The following CCND1 variants were observed in gnomAD, a reference collection of about 807,000 sequenced individuals.
CCND1 encodes cyclin D1.
A neutral mutation model predicts 26.1 loss-of-function variants in CCND1; 9 were observed. The observed-to-expected ratio is 0.35, with a 90% CI of 0.21 to 0.60. The LOEUF (loss-of-function observed/expected upper bound fraction) is 0.60. Among genes scored for constraint, CCND1 ranks in the 20% least tolerant of loss-of-function variants. CCND1 has a pLI of 0.79. For synonymous variants in CCND1, 194 were observed against 166.1 expected (o/e 1.17, Z -1.29); for missense variants, 335 against 392.9 (o/e 0.85, Z 1.25).
rs1014593776 is a variant in CCND1, at chr11:69,654,002, C to T, written c.*2720C>T. 26 of 597,218 alleles carry T rather than the reference C, an allele frequency of 4.4e-5. No homozygotes were observed. The highest frequency in any genetic ancestry group is 2.7e-4 in the Admixed American group (9 of 33,620). 37.0% of individuals were successfully genotyped at this position (597,218 alleles called of 1,614,324 possible). A position where few individuals can be genotyped will look rare whatever the true frequency, so the allele number is the denominator to read the frequency against. ...AGCCAGCTCACAGTGCTGTGTGCCCCGGTCACCTAGCAAGCTGCCGAACCA... is the reference window on the plus strand; with the variant it reads ...AGCCAGCTCACAGTGCTGTGTGCCCTGGTCACCTAGCAAGCTGCCGAACCA... On this transcript the variant is annotated 3_prime_UTR_variant, in exon 5 of 5. Transcript: ENST00000227507. This position sits in a 1 kb window ranked among gnomAD's most constrained non-coding sequence, Gnocchi z 6.3.
Position 69,654,340 on chromosome 11 carries a change from G to C in CCND1, c.*3058G>C. 1 of 702,580 alleles carries C rather than the reference G, an allele frequency of 1.4e-6. No individual in the cohort carries two copies. Among genetic ancestry groups the C allele is most frequent in the Non-Finnish European group, 2.6e-6 (1 of 385,000 alleles). The allele number at this position is 702,580 out of a possible 1,614,324, so 43.5% of individuals were successfully genotyped here. On this transcript the variant is annotated 3_prime_UTR_variant, in exon 5 of 5. Coordinates refer to ENST00000227507, the MANE Select transcript of CCND1 (RefSeq NM_053056.3). This position sits in a 1 kb window ranked among gnomAD's most constrained non-coding sequence, Gnocchi z 6.3. ...TGTGACGCGCAAGTCTGAGGGTCTG[G>C]GCGGCGGGCGGCTGGGTCTGTGCAT... is the stretch of plus-strand genomic sequence containing the variant.
In CCND1 at chr11:69,641,239, A is replaced by T; in HGVS notation, c.-75A>T. 7.2e-7 allele frequency: 1 copy of T among 1,389,312 alleles called. No homozygotes were observed. The highest frequency in any genetic ancestry group is 1.2e-5 in the South Asian group (1 of 86,262). The allele number at this position is 1,389,312 out of a possible 1,614,324, so 86.1% of individuals were successfully genotyped here. A position where few individuals can be genotyped will look rare whatever the true frequency, so the allele number is the denominator to read the frequency against. On this transcript the variant is annotated 5_prime_UTR_variant, in exon 1 of 5. Coordinates refer to ENST00000227507, the MANE Select transcript of CCND1 (RefSeq NM_053056.3). ...AGAAGAGCGCGAGGGAGCGCGGGGC[A>T]GCAGAAGCGAGAGCCGAGCGCGGAC...
chr11:69,646,468 C>T (rs1005419430), intron 3 of CCND1, among the ~76,000 whole-genome samples: 12 of 152,110 alleles, frequency 7.9e-5, no homozygotes, highest in African/African-American at 2.4e-4. Flanking sequence ...ACACCCCTGG[C>T]GGCCCGTGGG....
In CCND1 at chr11:69,643,055, G is replaced by T; in HGVS notation, c.223G>T (p.Glu75Ter). 6.2e-7 allele frequency: 1 copy of T among 1,606,046 alleles called. No individual in the cohort carries two copies. Residue 75 changes from glutamate (E) to a stop codon, truncating the protein, a stop_gained, in exon 2 of 5, where the codon GAG becomes TAG. Transcript: ENST00000227507. LOFTEE classifies it high-confidence loss of function. Reference sequence around the variant, plus strand: ...GGTCTGCGAGGAACAGAAGTGCGAGGAGGAGGTCTTCCCGCTGGCCATGAA... The same window carrying T: ...GGTCTGCGAGGAACAGAAGTGCGAGTAGGAGGTCTTCCCGCTGGCCATGAA... Reference protein sequence around the residue: ...LEVCEEQKCEEEVFPLAMNYL... With the variant: ...LEVCEEQKCE
chr11:69,643,303 G>C, intron 2 of CCND1, 57 bp downstream of exon 2: 1 of 1,405,190 alleles, frequency 7.1e-7, no homozygotes, highest in Non-Finnish European at 9.7e-7. Flanking sequence ...AGGACCACGG[G>C]GCCGGGGAAG....
chr11:69,645,183 G>A (rs1855763301), intron 3 of CCND1, among the ~76,000 whole-genome samples: 1 of 152,238 alleles, frequency 6.6e-6, no homozygotes, highest in African/African-American at 2.4e-5. Flanking sequence ...TCTGGGGTGG[G>A]GGGGCATGCG....
In CCND1 at chr11:69,653,107, G is replaced by A. The variant is rs1256433711; in HGVS notation, c.*1825G>A. On this transcript the variant is annotated 3_prime_UTR_variant, in exon 5 of 5. Coordinates refer to ENST00000227507, the MANE Select transcript of CCND1 (RefSeq NM_053056.3). ...TTCTTGTAATTTTTATTTAGGAAGT[G>A]TTGAAGGGAGGTGGCAAGAGTGTGG... 1.1e-5 allele frequency: 6 copies of A among 545,124 alleles called. No individual in the cohort carries two copies. In the African/African-American group the frequency reaches 1.2e-4, roughly 11 times the overall value. The allele number at this position is 545,124 out of a possible 1,614,324, so 33.8% of individuals were successfully genotyped here.
intron 3 of CCND1, among the ~76,000 whole-genome samples, chr11:69,645,270 G>A (rs1265454952): frequency 6.6e-6 from 1 of 152,188 alleles, no homozygotes; most frequent in Non-Finnish European, 1.5e-5. Flanking sequence ...GCCTTTTATG[G>A]AGCTGAAAGT....
chr11:69,645,530 G>A (rs937857214), intron 3 of CCND1, among the ~76,000 whole-genome samples: 3 of 152,220 alleles, frequency 2.0e-5, no homozygotes, highest in Admixed American at 2.0e-4. Flanking sequence ...CTCAGTGACT[G>A]TGGAGTCCAC....
At chr11:69,643,542 C>T (rs901782733) in intron 2 of CCND1, among the ~76,000 whole-genome samples, 1 of 152,258 alleles carries the variant, frequency 6.6e-6, no homozygotes, top group Non-Finnish European at 1.5e-5. Flanking sequence ...CCGCGCTCGG[C>T]GCTGAGCCTC....
rs573466828 is a variant in CCND1, at chr11:69,653,487, G to C, written c.*2205G>C. ...ACTGCTCTATTCCAAAAAGGTTGCT[G>C]TTTCACAATACCTCATGCTTCACTT... On this transcript the variant is annotated 3_prime_UTR_variant, in exon 5 of 5. Transcript: ENST00000227507. 1 of 569,266 alleles carries C rather than the reference G, an allele frequency of 1.8e-6. No individual in the cohort carries two copies. Among genetic ancestry groups the C allele is most frequent in the Non-Finnish European group, 3.1e-6 (1 of 327,518 alleles). The allele number at this position is 569,266 out of a possible 1,614,324, so 35.3% of individuals were successfully genotyped here.
intron 3 of CCND1, among the ~76,000 whole-genome samples, chr11:69,644,802 G>T (rs898090362): frequency 7.9e-5 from 12 of 152,198 alleles, no homozygotes; most frequent in African/African-American, 2.9e-4. Context: ...CAGGAGGCCT[G>T]GTTACCTTCA....
chr11:69,641,903 A>T (rs1855708059), intron 1 of CCND1, among the ~76,000 whole-genome samples: 1 of 151,068 alleles, frequency 6.6e-6, no homozygotes, highest in Admixed American at 6.6e-5. Flanking sequence ...GGGGGCATAG[A>T]TTTGATTTTT....
chr11:69,643,411 T>C (rs536919025), intron 2 of CCND1, 165 bp downstream of exon 2: 5 of 543,280 alleles, frequency 9.2e-6, no homozygotes, highest in East Asian at 3.5e-5. Flanking sequence ...GCGGGCGGGA[T>C]CCTAGCCGCC....
intron 3 of CCND1, among the ~76,000 whole-genome samples, chr11:69,646,401 T>C (rs916025857): frequency 4.6e-5 from 7 of 152,236 alleles, no homozygotes; most frequent in South Asian, 4.1e-4. Context: ...GGCGGCCCTC[T>C]CTTTAACAAG....
At chr11:69,647,197 T>C (rs1288671097) in intron 3 of CCND1, among the ~76,000 whole-genome samples, 1 of 152,164 alleles carries the variant, frequency 6.6e-6, no homozygotes, top group African/African-American at 2.4e-5. Context: ...CCCAGAAAAG[T>C]GTTTTTGTCA....
At position 69,648,050 on chromosome 11, in the gene CCND1, G is replaced by T. The variant is rs756509430; in HGVS notation, c.631G>T (p.Ala211Ser). 2 of 1,613,896 alleles carry T rather than the reference G, an allele frequency of 1.2e-6. No homozygotes were observed. Among genetic ancestry groups the T allele is most frequent in the Non-Finnish European group, 8.5e-7 (1 of 1,179,976 alleles). ...SMVAAGSVVA[A>S]VQGLNLRSPN... Reference sequence around the variant, plus strand: ...GGTGGCAGCGGGGAGCGTGGTGGCCGCAGTGCAAGGCCTGAACCTGAGGAG... The same window carrying T: ...GGTGGCAGCGGGGAGCGTGGTGGCCTCAGTGCAAGGCCTGAACCTGAGGAG... Residue 211 changes from alanine (A) to serine (S), a missense_variant, in exon 4 of 5, where the codon GCA becomes TCA. Coordinates refer to ENST00000227507, the MANE Select transcript of CCND1 (RefSeq NM_053056.3).
Position 69,641,259 on chromosome 11 carries a change from G to A in CCND1, c.-55G>A, listed in dbSNP as rs1855694917. On this transcript the variant is annotated 5_prime_UTR_variant, in exon 1 of 5. Coordinates refer to ENST00000227507, the MANE Select transcript of CCND1 (RefSeq NM_053056.3). The stretch of plus-strand genomic sequence containing the variant: ...GGGGCAGCAGAAGCGAGAGCCGAGC[G>A]CGGACCCAGCCAGGACCCACAGCCC... The A allele has an allele frequency of 5.0e-5, 77 of 1,532,044 alleles. No homozygotes were observed. The South Asian group carries it at 8.2e-4, about 16-fold the overall frequency. 94.9% of individuals were successfully genotyped at this position (1,532,044 alleles called of 1,614,324 possible).
In CCND1 at chr11:69,642,215, G is replaced by A. The variant is rs1855715330; in HGVS notation, c.198+704G>A. Reference sequence around the variant, plus strand: ...GGCAGCCTGGGCCGGAGAGCACGGCGAGCTGCAAGGTCGCGTGGCCCCCAA... The same window carrying A: ...GGCAGCCTGGGCCGGAGAGCACGGCAAGCTGCAAGGTCGCGTGGCCCCCAA... On this transcript the variant is annotated intron_variant, in intron 1 of 4. Transcript: ENST00000227507. 2.0e-5 allele frequency among the ~76,000 whole-genome samples: 3 copies of A among 152,180 alleles called. No homozygotes were observed. The East Asian group carries it at 5.8e-4, about 29-fold the overall frequency.
Sources: gnomAD v4.1 joint callset for allele counts (sites outside exome capture counted in the v4.1 genomes callset) on GRCh38, gnomAD v4.1.1 for gene constraint, Gnocchi (gnomAD v3.1) non-coding constraint, MANE v1.5 for transcripts, NCBI Gene and HGNC (gene_info 2026-07-23, HGNC 2026-07-21) for gene names.